PRPF8: variants seen among roughly 807,000 people sequenced by gnomAD.
PRPF8 encodes pre-mRNA processing factor 8, also known as pre-mRNA-processing-splicing factor 8.
PRPF8 carries 64 observed loss-of-function variants against 285.9 expected under a neutral mutation model. The observed-to-expected ratio is 0.22, with a 90% CI of 0.18 to 0.28. The LOEUF (loss-of-function observed/expected upper bound fraction) is 0.28, where lower values mean the gene tolerates loss of function less well. Among genes scored for constraint, PRPF8 ranks in the 10% least tolerant of loss-of-function variants. The pLI, the probability that PRPF8 is intolerant of heterozygous loss-of-function variation, is 1.00. For synonymous variants in PRPF8, 1,325 were observed against 1,118.2 expected, an observed-to-expected ratio of 1.18 and a Z score of -3.69; for missense variants, 1,426 against 3,026.7, an observed-to-expected ratio of 0.47 and a Z score of 12.41.
rs575859506 is a variant in PRPF8, at chr17:1,679,968, G to A, written c.1099-169C>T. Among the ~76,000 whole-genome samples the A allele has an allele frequency of 6.6e-6, 1 of 152,260 alleles. No homozygotes were observed. The highest frequency in any genetic ancestry group is 2.1e-4 in the South Asian group (1 of 4,822). On this transcript the variant is annotated intron_variant, in intron 8 of 42. Coordinates refer to ENST00000304992, the MANE Select transcript of PRPF8 (RefSeq NM_006445.4). This position sits in a 1 kb window ranked among gnomAD's most constrained non-coding sequence, Gnocchi z 4.7. Reference sequence around the variant, plus strand: ...GCACAAAGGAAACCAAGACAGCAAAGAACAAGACAGGGCCACCAGGAAAGC... The same window carrying A: ...GCACAAAGGAAACCAAGACAGCAAAAAACAAGACAGGGCCACCAGGAAAGC...
In PRPF8 at chr17:1,679,656, G is replaced by A. The variant is rs748950417; in HGVS notation, c.1242C>T (p.Arg414=). Residue 414 remains arginine (R), a synonymous_variant, in exon 9 of 43, where the codon CGC becomes CGT. Transcript: ENST00000304992. The surrounding 1 kb of genome is among the most constrained non-coding windows in gnomAD (Gnocchi z 4.7). ...LLWAPRPFNL[R]SGRTRRALDI... is the part of the protein sequence containing the mutation. ...CCAGGGCCCGACGGGTGCGACCAGAGCGTAGGTTGAAGGGCCGCGGGGCCC... is the reference window on the plus strand; with the variant it reads ...CCAGGGCCCGACGGGTGCGACCAGAACGTAGGTTGAAGGGCCGCGGGGCCC... The A allele has an allele frequency of 3.1e-6, 5 of 1,614,008 alleles. No homozygotes were observed. The East Asian group carries it at 8.9e-5, about 29-fold the overall frequency.
At chr17:1,669,157 G>GGA (rs1912166201) in intron 24 of PRPF8, among the ~76,000 whole-genome samples, 1 of 151,970 alleles carries the variant, frequency 6.6e-6, no homozygotes, top group Non-Finnish European at 1.5e-5. Flanking sequence ...CCGAGGCTGG[G>GGA]GTGCAGTGGC....
At position 1,684,577 on chromosome 17, in the gene PRPF8, G is replaced by A. The variant is rs748091686; in HGVS notation, c.-6C>T. 4.3e-6 allele frequency: 7 copies of A among 1,612,444 alleles called. No individual in the cohort carries two copies. In the Admixed American group the frequency reaches 1.2e-4, roughly 27 times the overall value. ...TAAGGAAACACTCCGGCCATATCCG[G>A]AGAATCTGGGGAGCGGCGGGATAGA... On this transcript the variant is annotated 5_prime_UTR_variant, in exon 2 of 43. Transcript: ENST00000304992.
intron 21 of PRPF8, 137 bp from the exon 22 acceptor site, chr17:1,674,029 A>C: frequency 1.0e-6 from 1 of 985,214 alleles, no homozygotes; most frequent in South Asian, 1.4e-5. Context: ...TTTTATTTTT[A>C]TTTATTTATT....
At position 1,658,643 on chromosome 17, in the gene PRPF8, G is replaced by A; in HGVS notation, c.5259C>T (p.Leu1753=). 1 of 1,614,230 alleles carries A rather than the reference G, an allele frequency of 6.2e-7. No individual in the cohort carries two copies. Among genetic ancestry groups the A allele is most frequent in the East Asian group, 2.2e-5 (1 of 44,892 alleles). The change falls in exon 33 of 43, where the codon CTC becomes CTT. Residue 1753 remains leucine (L), a synonymous_variant. Transcript: ENST00000304992. This position sits in a 1 kb window ranked among gnomAD's most constrained non-coding sequence, Gnocchi z 4.1. Reference sequence around the variant, plus strand: ...AAGGCTCAGTGGGTTCAGATGAATAGAGCTGTAGCCCCTTGCGGATCCGTT... The same window carrying A: ...AAGGCTCAGTGGGTTCAGATGAATAAAGCTGTAGCCCCTTGCGGATCCGTT... ...LRERIRKGLQ[L]YSSEPTEPYL...
Position 1,661,914 on chromosome 17 carries a change from G to A in PRPF8, c.4014C>T (p.Ser1338=), listed in dbSNP as rs369141048. 14 of 1,614,040 alleles carry A rather than the reference G, an allele frequency of 8.7e-6. No homozygotes were observed. The highest frequency in any genetic ancestry group is 5.3e-5 in the African/African-American group (4 of 74,916). Residue 1338 remains serine, a synonymous_variant, in exon 25 of 43, where the codon TCC becomes TCT. Coordinates refer to ENST00000304992, the MANE Select transcript of PRPF8 (RefSeq NM_006445.4). The surrounding 1 kb of genome is among the most constrained non-coding windows in gnomAD (Gnocchi z 7.3). The part of the protein sequence containing the change: ...LSMGHVLIPQ[S]DLRWSKQTDV... ...GTTGAACCAGGCTGTACCTGAGGTC[G>A]GATTGGGGGATGAGCACATGGCCCA... is the stretch of plus-strand genomic sequence containing the variant.
Position 1,653,501 on chromosome 17 carries a change from G to C in PRPF8, c.6369+41C>G, listed in dbSNP as rs908431787. 2 of 1,613,666 alleles carry C rather than the reference G, an allele frequency of 1.2e-6. No homozygotes were observed. The highest frequency in any genetic ancestry group is 2.7e-5 in the African/African-American group (2 of 74,930). On this transcript the variant is annotated intron_variant, in intron 39 of 42. Transcript: ENST00000304992. The surrounding 1 kb of genome is among the most constrained non-coding windows in gnomAD (Gnocchi z 4.9). Reference sequence around the variant, plus strand: ...GGTCTGAGTTTTAGGCACAAAATGAGTTGGGCACACACTGTGGCCTAGCTG... The same window carrying C: ...GGTCTGAGTTTTAGGCACAAAATGACTTGGGCACACACTGTGGCCTAGCTG...
At position 1,661,512 on chromosome 17, in the gene PRPF8, C is replaced by T. The variant is rs1911675502; in HGVS notation, c.4202+99G>A. 1 of 1,608,298 alleles carries T rather than the reference C, an allele frequency of 6.2e-7. No individual in the cohort carries two copies. The highest frequency in any genetic ancestry group is 8.5e-7 in the Non-Finnish European group (1 of 1,177,384). ...GGGTCAGTAGAACCAGCCTTCTCAC[C>T]TCCATACAACCATGGCATGCTCTGA... On this transcript the variant is annotated intron_variant, in intron 26 of 42. Coordinates refer to ENST00000304992, the MANE Select transcript of PRPF8 (RefSeq NM_006445.4). The surrounding 1 kb of genome is among the most constrained non-coding windows in gnomAD (Gnocchi z 7.3).
At position 1,679,820 on chromosome 17, in the gene PRPF8, A is replaced by G. The variant is rs774879093; in HGVS notation, c.1099-21T>C. Reference sequence around the variant, plus strand: ...TGGCTCTGAAAAAGGAATCCCTCTAAGGGTTTAGCTCCTGCTGAACTAGGC... The same window carrying G: ...TGGCTCTGAAAAAGGAATCCCTCTAGGGGTTTAGCTCCTGCTGAACTAGGC... On this transcript the variant is annotated intron_variant, in intron 8 of 42. Coordinates refer to ENST00000304992, the MANE Select transcript of PRPF8 (RefSeq NM_006445.4). The surrounding 1 kb of genome is among the most constrained non-coding windows in gnomAD (Gnocchi z 4.7). 6 of 1,613,956 alleles carry G rather than the reference A, an allele frequency of 3.7e-6. No individual in the cohort carries two copies. In the Admixed American group the frequency reaches 1.0e-4, roughly 27 times the overall value.
At chr17:1,664,536 G>A (rs913180129) in intron 24 of PRPF8, among the ~76,000 whole-genome samples, 12 of 152,156 alleles carry the variant, frequency 7.9e-5, no homozygotes, top group African/African-American at 2.7e-4. Context: ...GCCAGGTGCA[G>A]TAGCTCATGC....
chr17:1,660,150 T>C (rs754083276), intron 30 of PRPF8, 149 bp from the exon 31 acceptor site: 223 of 1,101,196 alleles, frequency 2.0e-4, no homozygotes, highest in Non-Finnish European at 3.0e-4. Flanking sequence ...CTGAGCTGAC[T>C]CTGTACAGCA....
Position 1,675,238 on chromosome 17 carries a change from G to A in PRPF8, c.2974C>T (p.Leu992=), listed in dbSNP as rs371153662. Reference sequence around the variant, plus strand: ...ATGAGGCGCAGCAGCCTGTTGAGCAGAGTCAAGTCGATCTTCTCATACATC... The same window carrying A: ...ATGAGGCGCAGCAGCCTGTTGAGCAAAGTCAAGTCGATCTTCTCATACATC... ...EKMYEKIDLT[L]LNRLLRLIVD... The change falls in exon 20 of 43, where the codon CTG becomes TTG. Residue 992 remains leucine (L), a synonymous_variant. Coordinates refer to ENST00000304992, the MANE Select transcript of PRPF8 (RefSeq NM_006445.4). This position sits in a 1 kb window ranked among gnomAD's most constrained non-coding sequence, Gnocchi z 6.0. 4.3e-6 allele frequency: 7 copies of A among 1,614,070 alleles called. No homozygotes were observed. The highest frequency in any genetic ancestry group is 1.3e-5 in the African/African-American group (1 of 74,928).
Position 1,659,224 on chromosome 17 carries a change from C to T in PRPF8, c.5138+133G>A. The T allele has an allele frequency of 9.8e-7, 1 of 1,024,660 alleles. No individual in the cohort carries two copies. The highest frequency in any genetic ancestry group is 1.3e-5 in the South Asian group (1 of 76,154). The allele number at this position is 1,024,660 out of a possible 1,614,324, so 63.5% of individuals were successfully genotyped here. On this transcript the variant is annotated intron_variant, in intron 32 of 42. Coordinates refer to ENST00000304992, the MANE Select transcript of PRPF8 (RefSeq NM_006445.4). This position sits in a 1 kb window ranked among gnomAD's most constrained non-coding sequence, Gnocchi z 5.1. Reference sequence around the variant, plus strand: ...GTATTTTGGTAGAGACAGGGTTTCACCATGTTGCCCAGACTGGTCTCAAAC... The same window carrying T: ...GTATTTTGGTAGAGACAGGGTTTCATCATGTTGCCCAGACTGGTCTCAAAC...
rs1264120240 is a variant in PRPF8, at chr17:1,658,758, T to A, written c.5144A>T (p.Tyr1715Phe). The A allele has an allele frequency of 1.2e-5, 20 of 1,614,080 alleles. No individual in the cohort carries two copies. The highest frequency in any genetic ancestry group is 1.6e-5 in the Non-Finnish European group (19 of 1,179,950). Reference sequence around the variant, plus strand: ...CTTGCTGCCTGGGAACCAGTTTCCATAGGCACTGTGAGGATAAAAGGGTCA... The same window carrying A: ...CTTGCTGCCTGGGAACCAGTTTCCAAAGGCACTGTGAGGATAAAAGGGTCA... Reference protein sequence around the residue: ...IDLAYNLHSAYGNWFPGSKPL... With the variant: ...IDLAYNLHSAFGNWFPGSKPL... The change falls in exon 33 of 43, where the codon TAT becomes TTT. Residue 1715 changes from tyrosine to phenylalanine, a missense_variant. Physicochemically the swap from Tyr to Phe is conservative, Grantham distance 22. Coordinates refer to ENST00000304992, the MANE Select transcript of PRPF8 (RefSeq NM_006445.4). This position sits in a 1 kb window ranked among gnomAD's most constrained non-coding sequence, Gnocchi z 4.1.
chr17:1,676,006 G>A lies in PRPF8; in HGVS notation c.2601C>T (p.Ile867=), dbSNP rs117892584. 4.3e-4 allele frequency: 689 copies of A among 1,613,760 alleles called. 2 individuals are homozygous for A. In the East Asian group the frequency reaches 9.4e-3, roughly 22 times the overall value. ...CGTGGGGGTTATCGTAGGCCTGCTCGATCAGACCTAGCTCCTCCCTCTGAG... is the reference window on the plus strand; with the variant it reads ...CGTGGGGGTTATCGTAGGCCTGCTCAATCAGACCTAGCTCCTCCCTCTGAG... ...NQSQREELGL[I]EQAYDNPHEA... The change falls in exon 18 of 43, where the codon ATC becomes ATT. Residue 867 remains isoleucine, a synonymous_variant. Coordinates refer to ENST00000304992, the MANE Select transcript of PRPF8 (RefSeq NM_006445.4). The surrounding 1 kb of genome is among the most constrained non-coding windows in gnomAD (Gnocchi z 6.3).
In PRPF8 at chr17:1,653,136, C is replaced by T. The variant is rs750345230; in HGVS notation, c.6369+406G>A. 195 of 331,366 alleles carry T rather than the reference C, an allele frequency of 5.9e-4. No individual in the cohort carries two copies. The highest frequency in any genetic ancestry group is 1.1e-3 in the Middle Eastern group (1 of 934). 20.5% of individuals were successfully genotyped at this position (331,366 alleles called of 1,614,324 possible). On this transcript the variant is annotated intron_variant, in intron 39 of 42. Transcript: ENST00000304992. The surrounding 1 kb of genome is among the most constrained non-coding windows in gnomAD (Gnocchi z 4.9). Reference sequence around the variant, plus strand: ...TGTATTTTTAGTAGAGACAGGGTTTCACCATATTGGTCAGGCTGGTCTCAA... The same window carrying T: ...TGTATTTTTAGTAGAGACAGGGTTTTACCATATTGGTCAGGCTGGTCTCAA...
intron 6 of PRPF8, 62 bp from the exon 7 acceptor site, chr17:1,681,116 T>C (rs1467545197): frequency 3.3e-6 from 5 of 1,534,096 alleles, no homozygotes; most frequent in Admixed American, 1.7e-5. Flanking sequence ...CTCACTCTTA[T>C]CACCCAAGCT....
rs1221961103 is a variant in PRPF8 at position 1,659,374 on chromosome 17, C to T, written c.5121G>A (p.Leu1707=). 6.2e-7 allele frequency: 1 copy of T among 1,614,002 alleles called. No individual in the cohort carries two copies. The highest frequency in any genetic ancestry group is 1.7e-5 in the Admixed American group (1 of 59,982). The change falls in exon 32 of 43, where the codon CTG becomes CTA. Residue 1707 remains leucine, a synonymous_variant. Transcript: ENST00000304992. This position sits in a 1 kb window ranked among gnomAD's most constrained non-coding sequence, Gnocchi z 5.1. ...SPTGVLIAID[L]AYNLHSAYGN... ...CAACTCACCTGTGCAAGTTATAGGCCAGGTCAATGGCGATGAGTACACCTG... is the reference window on the plus strand; with the variant it reads ...CAACTCACCTGTGCAAGTTATAGGCTAGGTCAATGGCGATGAGTACACCTG...
chr17:1,658,847 GA>G lies in PRPF8; in HGVS notation c.5139-85del, dbSNP rs767160302. ...ACAAGCTGCCAACTCTACAGAGGAA[GA>G]AAGACTGTTCGCCAGGCTGACAACA... is the stretch of plus-strand genomic sequence containing the variant. On this transcript the variant is annotated intron_variant, in intron 32 of 42. Transcript: ENST00000304992. This position sits in a 1 kb window ranked among gnomAD's most constrained non-coding sequence, Gnocchi z 4.1. The G allele has an allele frequency of 3.3e-6, 4 of 1,216,804 alleles. No homozygotes were observed. The highest frequency in any genetic ancestry group is 2.3e-5 in the East Asian group (1 of 42,766). 75.4% of individuals were successfully genotyped at this position (1,216,804 alleles called of 1,614,324 possible).
Sources: gnomAD v4.1 joint callset for allele counts (sites outside exome capture counted in the v4.1 genomes callset) on GRCh38, gnomAD v4.1.1 for gene constraint, Gnocchi (gnomAD v3.1) non-coding constraint, MANE v1.5 for transcripts, NCBI Gene and HGNC (gene_info 2026-07-23, HGNC 2026-07-21) for gene names.